Variants in MIDEAS observed in about 807,000 individuals in gnomAD.
MIDEAS encodes the protein mitotic deacetylase-associated SANT domain protein.
A neutral mutation model predicts 102.7 loss-of-function variants in MIDEAS; 26 were observed. The ratio of observed to expected loss-of-function variants is 0.25; its 90% CI spans 0.19 to 0.35. MIDEAS has a LOEUF of 0.35. MIDEAS is among the 10% of genes least tolerant of loss of function. The probability of loss-of-function intolerance (pLI) is 1.00; values close to 1 mark genes in which losing one functional copy is unlikely to be tolerated. For missense variants in MIDEAS, 1,231 were observed against 1,435.6 expected (o/e 0.86, Z 2.30); for synonymous variants, 585 against 591.0 (o/e 0.99, Z 0.15).
At chr14:73,766,413 G>A (rs2053592539) in intron 1 of MIDEAS, among the ~76,000 whole-genome samples, 1 of 152,180 alleles carries the variant, frequency 6.6e-6, no homozygotes, top group Admixed American at 6.5e-5. Context: ...ACAGATTGCT[G>A]TTACTTTTAT....
At chr14:73,730,974 A>G (rs2053130505) in intron 3 of MIDEAS, among the ~76,000 whole-genome samples, 1 of 144,182 alleles carries the variant, frequency 6.9e-6, no homozygotes, top group Non-Finnish European at 1.6e-5. Flanking sequence ...CAAAAAGGAA[A>G]AAGAAAAAAA....
rs762448666 is a variant in MIDEAS at position 73,739,069 on chromosome 14, T to TG, written c.939dup (p.Asn314GlnfsTer38). 18 of 1,568,432 alleles carry TG rather than the reference T, an allele frequency of 1.1e-5. No individual in the cohort carries two copies. Among genetic ancestry groups the TG allele is most frequent in the South Asian group, 2.4e-5 (2 of 84,130 alleles). The stretch of plus-strand genomic sequence containing the variant: ...CGCAGTTCTGGGTTCATATCTGGGT[T>TG]GGGGGGGAAGGGGTAGGGTGCCATG... On this transcript the variant is annotated frameshift_variant, in exon 2 of 13. Transcript: ENST00000423556. LOFTEE classifies it high-confidence loss of function.
At chr14:73,750,114 G>A (rs1187010733) in intron 1 of MIDEAS, among the ~76,000 whole-genome samples, 2 of 152,148 alleles carry the variant, frequency 1.3e-5, no homozygotes, top group East Asian at 3.9e-4. Flanking sequence ...GGGAGCTAAC[G>A]AGTACTTCGC....
chr14:73,744,652 C>A (rs1566596196), intron 1 of MIDEAS, among the ~76,000 whole-genome samples: 1 of 152,296 alleles, frequency 6.6e-6, no homozygotes, highest in East Asian at 1.9e-4. Flanking sequence ...GTCTAAACTC[C>A]CTGCCCTGTC....
intron 1 of MIDEAS, among the ~76,000 whole-genome samples, chr14:73,774,696 A>AC (rs2140172036): frequency 6.6e-6 from 1 of 151,858 alleles, no homozygotes; most frequent in South Asian, 2.1e-4. Flanking sequence ...TCCTACTCTC[A>AC]CCAGGGTCTT....
At position 73,726,819 on chromosome 14, in the gene MIDEAS, C is replaced by T; in HGVS notation, c.2305+11G>A. The T allele has an allele frequency of 6.2e-7, 1 of 1,607,044 alleles. No individual in the cohort carries two copies. Among genetic ancestry groups the T allele is most frequent in the Non-Finnish European group, 8.5e-7 (1 of 1,174,870 alleles). On this transcript the variant is annotated intron_variant, in intron 6 of 12. Coordinates refer to ENST00000423556, the MANE Select transcript of MIDEAS (RefSeq NM_001367710.1). ...CCTGCCCTCACTTGCTGCCCCCAGG[C>T]CCCTCCTCACCTTGCCTCTGCTTCT...
chr14:73,728,907 C>T (rs937922463), intron 4 of MIDEAS: 1 of 149,580 alleles, frequency 6.7e-6, no homozygotes, highest in Non-Finnish European at 1.5e-5. Context: ...TTTGCATCCA[C>T]AGACACCAGG....
chr14:73,736,427 C>T (rs111651635), intron 3 of MIDEAS, among the ~76,000 whole-genome samples: 7 of 151,780 alleles, frequency 4.6e-5, no homozygotes, highest in East Asian at 1.9e-4. Flanking sequence ...GTCAGGAGAT[C>T]GAGACCATCC....
At chr14:73,756,295 T>TGTGTGTGTGTGTGTGCGCGC (rs55692592) in intron 1 of MIDEAS, among the ~76,000 whole-genome samples, 10 of 127,626 alleles carry the variant, frequency 7.8e-5, no homozygotes, top group African/African-American at 2.7e-4. Context: ...TGTGTGTGTG[T>TGTGTGTGTGTGTGTGCGCGC]GCGCGCGCGC....
chr14:73,774,129 T>C (rs750201895), intron 1 of MIDEAS, among the ~76,000 whole-genome samples: 1 of 151,414 alleles, frequency 6.6e-6, no homozygotes, highest in Non-Finnish European at 1.5e-5. Flanking sequence ...CCTGGGATAA[T>C]GACAGGAAGC....
chr14:73,720,555 A>G (rs942749887), intron 11 of MIDEAS, among the ~76,000 whole-genome samples: 2 of 152,004 alleles, frequency 1.3e-5, no homozygotes, highest in African/African-American at 4.8e-5. Context: ...CCTACTACAT[A>G]CATTTCTAAA....
At chr14:73,767,056 T>C (rs2053598327) in intron 1 of MIDEAS, among the ~76,000 whole-genome samples, 1 of 151,394 alleles carries the variant, frequency 6.6e-6, no homozygotes, top group Non-Finnish European at 1.5e-5. Context: ...GGTTTCGTTA[T>C]GTTGGCTAGG....
chr14:73,770,362 CGATGATGAT>C (rs10536715), intron 1 of MIDEAS, among the ~76,000 whole-genome samples: 2 of 151,344 alleles, frequency 1.3e-5, no homozygotes, highest in Non-Finnish European at 2.9e-5. Flanking sequence ...ATGATGATGA[CGATGATGAT>C]GATGATGATG....
In MIDEAS at chr14:73,725,731, A is replaced by C. The variant is rs914215819; in HGVS notation, c.2485+302T>G. Among the ~76,000 whole-genome samples the C allele has an allele frequency of 2.6e-5, 4 of 152,192 alleles. No individual in the cohort carries two copies. The highest frequency in any genetic ancestry group is 9.6e-5 in the African/African-American group (4 of 41,454). On this transcript the variant is annotated intron_variant, in intron 8 of 12. Transcript: ENST00000423556. The surrounding 1 kb of genome is among the most constrained non-coding windows in gnomAD (Gnocchi z 4.1). ...AACAGGACATGCACTCCTGGGGCTA[A>C]GTTCCAGGTACCTGATGCCAATCTG...
intron 12 of MIDEAS, 54 bp downstream of exon 12, chr14:73,719,251 C>A: frequency 6.4e-7 from 1 of 1,559,434 alleles, no homozygotes; most frequent in Non-Finnish European, 8.7e-7. Flanking sequence ...ACCCCCGCCC[C>A]CTCCGCGCAC....
At chr14:73,755,513 A>C (rs1294482734) in intron 1 of MIDEAS, among the ~76,000 whole-genome samples, 1 of 152,218 alleles carries the variant, frequency 6.6e-6, no homozygotes, top group African/African-American at 2.4e-5. Context: ...CAGGTGAAGC[A>C]AACAGGGGAC....
At chr14:73,755,158 C>T (rs2053464724) in intron 1 of MIDEAS, 1 of 152,266 alleles carries the variant, frequency 6.6e-6, no homozygotes, top group African/African-American at 2.4e-5. Flanking sequence ...ACAGGGAGCA[C>T]CTTCCCTGGC....
rs768654583 is a variant in MIDEAS at position 73,725,333 on chromosome 14, C to G, written c.2513G>C (p.Arg838Thr). Residue 838 changes from arginine (R) to threonine (T), a missense_variant, in exon 9 of 13, where the codon AGG becomes ACG. Arg to Thr is a moderately conservative substitution (Grantham distance 71). Around this residue, in one of 5 missense-constraint regions of MIDEAS, gnomAD observed 391 missense variants for 483.0 expected, o/e 0.81. Transcript: ENST00000423556. The surrounding 1 kb of genome is among the most constrained non-coding windows in gnomAD (Gnocchi z 4.1). ...GGCAATGCCTTTGTTGAACAGCTTC[C>G]TCTCGGCCATCTTCCACTGGTCAGA... ...TGSDQWKMAE[R>T]KLFNKGIAIY... 6.2e-7 allele frequency: 1 copy of G among 1,614,082 alleles called. No homozygotes were observed. Among genetic ancestry groups the G allele is most frequent in the Admixed American group, 1.7e-5 (1 of 60,026 alleles).
At chr14:73,722,581 G>A (rs374111619) in intron 10 of MIDEAS, 117 bp downstream of exon 10, 26 of 1,277,076 alleles carry the variant, frequency 2.0e-5, no homozygotes, top group East Asian at 1.4e-4. Context: ...CAGGGACACT[G>A]TCTTCCTCAA....
Sources: gnomAD v4.1 joint callset for allele counts (sites outside exome capture counted in the v4.1 genomes callset) on GRCh38, gnomAD v4.1.1 for gene constraint, gnomAD v4.1.1 regional missense constraint, Gnocchi (gnomAD v3.1) non-coding constraint, MANE v1.5 for transcripts, NCBI Gene and HGNC (gene_info 2026-07-23, HGNC 2026-07-21) for gene names.